The following PCNX2 variants were observed in gnomAD, a reference collection of about 807,000 sequenced individuals.
The protein encoded by PCNX2 is pecanex 2, also known as pecanex-like protein 2.
A neutral mutation model predicts 223.8 loss-of-function variants in PCNX2; 168 were observed. The observed-to-expected ratio is 0.75, with a 90% CI of 0.66 to 0.85. PCNX2 has a LOEUF of 0.85. PCNX2 is among the 40% of genes least tolerant of loss of function. PCNX2 has a pLI of 0.00. For synonymous variants in PCNX2, 1,006 were observed against 1,052.6 expected (o/e 0.96, Z 0.86); for missense variants, 2,507 against 2,675.5 (o/e 0.94, Z 1.39).
upstream of PCNX2, among the ~76,000 whole-genome samples, chr1:233,299,654 A>G (rs1662229406): frequency 6.6e-6 from 1 of 152,236 alleles, no homozygotes; most frequent in Non-Finnish European, 1.5e-5. Context: ...CAGCGGCCAC[A>G]GGTGGTACGA....
chr1:233,183,388 C>T (rs1413621596), intron 15 of PCNX2, among the ~76,000 whole-genome samples: 3 of 152,090 alleles, frequency 2.0e-5, no homozygotes, highest in Non-Finnish European at 4.4e-5. Flanking sequence ...CATATCCTTG[C>T]GAGAATGACT....
intron 23 of PCNX2, among the ~76,000 whole-genome samples, chr1:233,074,265 T>C (rs1398590078): frequency 5.3e-5 from 8 of 152,168 alleles, no homozygotes; most frequent in Admixed American, 5.2e-4. Flanking sequence ...GAAAAGAATG[T>C]GTACCTAAAA....
intron 23 of PCNX2, among the ~76,000 whole-genome samples, chr1:233,061,435 G>C (rs557717901): frequency 6.6e-6 from 1 of 152,316 alleles, no homozygotes; most frequent in East Asian, 1.9e-4. Context: ...ATTTCCTGAG[G>C]ACATACTGCT....
chr1:233,296,164 A>T (rs1662110392), upstream of PCNX2, among the ~76,000 whole-genome samples: 1 of 151,828 alleles, frequency 6.6e-6, no homozygotes, highest in African/African-American at 2.4e-5. Context: ...AGGTCCTGTC[A>T]CACAGCACTC....
At chr1:233,312,918 G>GAAAA in the PCNX2 span, among the ~76,000 whole-genome samples, 1 of 144,376 alleles carries the variant, frequency 6.9e-6, no homozygotes, top group Non-Finnish European at 1.5e-5. Flanking sequence ...GTAACCGAAA[G>GAAAA]AAAAAAAAAA....
the PCNX2 span, among the ~76,000 whole-genome samples, chr1:233,308,474 G>GAAAGAA: frequency 1.1e-4 from 16 of 149,036 alleles, no homozygotes; most frequent in East Asian, 2.7e-3. Flanking sequence ...ACAAAAAAAA[G>GAAAGAA]AAAGAAAAAG....
Position 233,295,575 on chromosome 1 carries a change from G to A in PCNX2, c.-97C>T. 1 of 1,240,980 alleles carries A rather than the reference G, an allele frequency of 8.1e-7. No homozygotes were observed. The highest frequency in any genetic ancestry group is 1.0e-6 in the Non-Finnish European group (1 of 981,150). The allele number at this position is 1,240,980 out of a possible 1,614,324, so 76.9% of individuals were successfully genotyped here. On this transcript the variant is annotated 5_prime_UTR_variant, in exon 1 of 34. Coordinates refer to ENST00000258229, the MANE Select transcript of PCNX2 (RefSeq NM_014801.4). This position sits in a 1 kb window ranked among gnomAD's most constrained non-coding sequence, Gnocchi z 4.1. ...TCAGGTCTAACACCCGGGCCCGCGGGCCGCGCCCCCGCCGTCGCCGCCGCC... is the reference window on the plus strand; with the variant it reads ...TCAGGTCTAACACCCGGGCCCGCGGACCGCGCCCCCGCCGTCGCCGCCGCC...
intron 1 of PCNX2, chr1:233,289,308 G>T: frequency 1.0e-6 from 1 of 998,716 alleles, no homozygotes; most frequent in Non-Finnish European, 1.6e-6. Flanking sequence ...TTCCTTGGCT[G>T]CCATAATATT....
chr1:233,181,674 A>G (rs990123550), intron 15 of PCNX2, among the ~76,000 whole-genome samples: 3 of 151,974 alleles, frequency 2.0e-5, no homozygotes, highest in African/African-American at 4.9e-5. Context: ...GCCCAAGGTC[A>G]AGGTGCAGGA....
Position 233,258,107 on chromosome 1 carries a change from G to A in PCNX2, c.1755C>T (p.Ser585=). The change falls in exon 5 of 34, where the codon TCC becomes TCT. Residue 585 remains serine, a synonymous_variant. Coordinates refer to ENST00000258229, the MANE Select transcript of PCNX2 (RefSeq NM_014801.4). ...ATGCCGTCATCTTGGAAGTATTAAT[G>A]GATTCTAACAGGGAGACAAATTCCA... ...NFLEFVSLLE[S]INTSKMTASS... is the part of the protein sequence containing the mutation. 1 of 1,613,896 alleles carries A rather than the reference G, an allele frequency of 6.2e-7. No homozygotes were observed. The highest frequency in any genetic ancestry group is 1.1e-5 in the South Asian group (1 of 91,072).
chr1:233,133,842 G>C (rs2102764332), intron 21 of PCNX2, among the ~76,000 whole-genome samples: 1 of 152,210 alleles, frequency 6.6e-6, no homozygotes, highest in Admixed American at 6.5e-5. Context: ...CCTGTGAGTG[G>C]CATTGTGTTT....
chr1:233,287,378 T>C (rs1201595342), intron 1 of PCNX2, among the ~76,000 whole-genome samples: 1 of 152,198 alleles, frequency 6.6e-6, no homozygotes, highest in Non-Finnish European at 1.5e-5. Context: ...CATCTTAAAC[T>C]GCAGCTCCCA....
intron 21 of PCNX2, among the ~76,000 whole-genome samples, chr1:233,124,834 A>G (rs1356756283): frequency 2.6e-5 from 4 of 152,234 alleles, no homozygotes; most frequent in Non-Finnish European, 5.9e-5. Context: ...TAATAAATAC[A>G]TCATATTTAA....
rs1670687935 is a variant in PCNX2, at chr1:233,016,931, T to C, written c.4829A>G (p.Lys1610Arg). 1.3e-6 allele frequency: 2 copies of C among 1,599,380 alleles called. No individual in the cohort carries two copies. The highest frequency in any genetic ancestry group is 1.7e-6 in the Non-Finnish European group (2 of 1,167,348). The stretch of plus-strand genomic sequence containing the variant: ...ACCTCCCTGACCTACCTCTTGTCTT[T>C]TCCGTGCACAGTGTTGAATCCATTC... ...YLEWIQHCAR[K>R]RQEPSTTLDS... The change falls in exon 27 of 34, where the codon AAA (lysine) becomes AGA (arginine). Residue 1610 changes from lysine (K) to arginine (R), a missense_variant. Coordinates refer to ENST00000258229, the MANE Select transcript of PCNX2 (RefSeq NM_014801.4).
At position 233,135,116 on chromosome 1, in the gene PCNX2, A is replaced by G; in HGVS notation, c.3734T>C (p.Phe1245Ser). The change falls in exon 21 of 34, where the codon TTT becomes TCT. Residue 1245 changes from phenylalanine to serine, a missense_variant. This residue lies in a region of PCNX2 where 1,372 missense variants were observed against 1,509.4 expected (regional missense o/e 0.91). Transcript: ENST00000258229. ...RTSFCNPVYQ[F>S]INLSFTVIFF... ...GATGACAGTGAAGCTCAAGTTAATA[A>G]ACTGGTAAACCGGGTTGCAGAATGA... 5 of 1,613,746 alleles carry G rather than the reference A, an allele frequency of 3.1e-6. No homozygotes were observed. Among genetic ancestry groups the G allele is most frequent in the Non-Finnish European group, 4.2e-6 (5 of 1,179,644 alleles).
chr1:233,241,118 C>A, intron 8 of PCNX2: 1 of 949,422 alleles, frequency 1.1e-6, no homozygotes, highest in Non-Finnish European at 1.3e-6. Flanking sequence ...CAGCACTGTT[C>A]TGAAAACCAT....
chr1:233,174,235 T>C (rs1679338807), intron 17 of PCNX2, among the ~76,000 whole-genome samples: 1 of 130,990 alleles, frequency 7.6e-6, no homozygotes, highest in Non-Finnish European at 1.7e-5. Context: ...ATATATTTAA[T>C]TTATATTTTA....
At chr1:233,098,417 T>C (rs1674301211) in intron 21 of PCNX2, among the ~76,000 whole-genome samples, 1 of 152,170 alleles carries the variant, frequency 6.6e-6, no homozygotes, top group African/African-American at 2.4e-5. Context: ...AAACCAGTAA[T>C]CAGACATCTA....
intron 21 of PCNX2, among the ~76,000 whole-genome samples, chr1:233,096,683 T>C (rs949703967): frequency 2.2e-4 from 33 of 152,328 alleles, no homozygotes; most frequent in Admixed American, 5.9e-4. Flanking sequence ...TGTTTGTTCC[T>C]AGACTGACTA....
Sources: allele counts gnomAD v4.1 joint callset (sites outside exome capture counted in the v4.1 genomes callset), GRCh38; gene constraint gnomAD v4.1.1; regional missense constraint gnomAD v4.1.1; non-coding constraint Gnocchi (gnomAD v3.1); transcripts MANE v1.5; gene names NCBI Gene and HGNC (gene_info 2026-07-23, HGNC 2026-07-21).